The following MACROD2 variants were observed in gnomAD, a reference collection of about 807,000 sequenced individuals.
The protein encoded by MACROD2 is mono-ADP ribosylhydrolase 2, also known as ADP-ribose glycohydrolase MACROD2.
Under a neutral mutation model 70.4 loss-of-function variants are expected in MACROD2, and 36 were observed. That is an observed-to-expected ratio of 0.51 (90% confidence interval 0.39 to 0.68). The LOEUF (loss-of-function observed/expected upper bound fraction) is 0.68, where lower values mean the gene tolerates loss of function less well. MACROD2 is among the 30% of genes least tolerant of loss of function. The probability of loss-of-function intolerance (pLI) is 0.00; values close to 1 mark genes in which losing one functional copy is unlikely to be tolerated. For synonymous variants in MACROD2, 172 were observed against 178.8 expected (o/e 0.96, Z 0.30); for missense variants, 496 against 538.4 (o/e 0.92, Z 0.78).
chr20:15,005,815 T>C (rs2075031156), intron 5 of MACROD2, among the ~76,000 whole-genome samples: 1 of 152,172 alleles, frequency 6.6e-6, no homozygotes, highest in Admixed American at 6.5e-5. Context: ...GGTTGGCTGC[T>C]TGTGGAACCA....
At chr20:15,417,085 C>A (rs2046162451) in intron 6 of MACROD2, among the ~76,000 whole-genome samples, 1 of 152,148 alleles carries the variant, frequency 6.6e-6, no homozygotes, top group Non-Finnish European at 1.5e-5. Flanking sequence ...GTGAAATCTG[C>A]ATATGCGTTG....
chr20:14,251,419 T>G (rs2082011297), intron 3 of MACROD2, among the ~76,000 whole-genome samples: 1 of 152,128 alleles, frequency 6.6e-6, no homozygotes, highest in African/African-American at 2.4e-5. Context: ...TCTAAACTTG[T>G]GTTTCCAAGG....
chr20:14,202,637 T>A (rs1475204), intron 3 of MACROD2, among the ~76,000 whole-genome samples: 151,353 of 152,320 alleles, frequency 0.99, 75,204 homozygotes, highest in East Asian at 1. Flanking sequence ...AACAAGAATA[T>A]AAGAAGAAAA....
intron 3 of MACROD2, among the ~76,000 whole-genome samples, chr20:14,360,410 T>A (rs2083210522): frequency 6.6e-6 from 1 of 152,214 alleles, no homozygotes; most frequent in African/African-American, 2.4e-5. Flanking sequence ...CAAGTAATGT[T>A]TTTTTAAAGG....
At chr20:15,769,369 A>G (rs2051584553) in intron 8 of MACROD2, among the ~76,000 whole-genome samples, 1 of 152,100 alleles carries the variant, frequency 6.6e-6, no homozygotes, top group Non-Finnish European at 1.5e-5. Context: ...CTGGTCTCGA[A>G]CTCCGAACAT....
At chr20:14,740,352 G>A (rs533429038) in intron 5 of MACROD2, among the ~76,000 whole-genome samples, 1 of 152,160 alleles carries the variant, frequency 6.6e-6, no homozygotes, top group South Asian at 2.1e-4. Flanking sequence ...TGTCTCCAAT[G>A]CTATTTCTCT....
chr20:14,284,230 A>G (rs763524543), intron 3 of MACROD2, among the ~76,000 whole-genome samples: 3 of 152,246 alleles, frequency 2.0e-5, no homozygotes, highest in African/African-American at 7.2e-5. Flanking sequence ...GAGCAATATT[A>G]GAAAACTGCA....
Position 15,122,762 on chromosome 20 carries a change from T to C in MACROD2, c.419-107178T>C, listed in dbSNP as rs12479768. Among the ~76,000 whole-genome samples, 533 of 152,250 alleles carry C rather than the reference T, an allele frequency of 3.5e-3. 7 individuals are homozygous for C. The highest frequency in any genetic ancestry group is 0.031 in the Admixed American group (473 of 15,290). On this transcript the variant is annotated intron_variant, in intron 5 of 17. Coordinates refer to ENST00000684519, the MANE Select transcript of MACROD2 (RefSeq NM_001351661.2). The stretch of plus-strand genomic sequence containing the variant: ...CCCCAAACTAAACAGAATTTAATGA[T>C]GGGCACTCCTTGCCTCATGAGGGGG...
At chr20:15,269,288 C>T (rs1461586556) in intron 6 of MACROD2, among the ~76,000 whole-genome samples, 1 of 152,190 alleles carries the variant, frequency 6.6e-6, no homozygotes, top group Non-Finnish European at 1.5e-5. Flanking sequence ...CCCAACGTGG[C>T]TTGGATGAGG....
chr20:15,708,349 G>C (rs760215667), intron 8 of MACROD2, among the ~76,000 whole-genome samples: 2 of 152,142 alleles, frequency 1.3e-5, no homozygotes, highest in Non-Finnish European at 2.9e-5. Flanking sequence ...AGGACCAGGA[G>C]CCTGGGGATA....
intron 5 of MACROD2, among the ~76,000 whole-genome samples, chr20:14,943,963 T>C (rs2074410196): frequency 6.6e-6 from 1 of 152,200 alleles, no homozygotes; most frequent in South Asian, 2.1e-4. Context: ...CACCATTCAG[T>C]AATTTTACTA....
intron 5 of MACROD2, among the ~76,000 whole-genome samples, chr20:15,131,733 A>G (rs144188571): frequency 1.1e-3 from 162 of 152,210 alleles, no homozygotes; most frequent in African/African-American, 3.4e-3. Context: ...AGACTTTAAA[A>G]CTTACAAATC....
At chr20:14,072,049 TAGA>T (rs2053851506) in intron 2 of MACROD2, among the ~76,000 whole-genome samples, 2 of 152,208 alleles carry the variant, frequency 1.3e-5, no homozygotes, top group Admixed American at 1.3e-4. Flanking sequence ...AAAACATAAA[TAGA>T]AGATACATGA....
In MACROD2 at chr20:15,258,094, G is replaced by T. The variant is rs1410983388; in HGVS notation, c.540+28033G>T. 4.1e-5 allele frequency among the ~76,000 whole-genome samples: 6 copies of T among 148,088 alleles called. No homozygotes were observed. The East Asian group carries it at 5.8e-4, about 14-fold the overall frequency. ...AAAGTTTATAGAACACATATATATA[G>T]AAAAAGTATTTTTTGTACAACATAC... is the stretch of plus-strand genomic sequence containing the variant. On this transcript the variant is annotated intron_variant, in intron 6 of 17. Transcript: ENST00000684519.
intron 6 of MACROD2, among the ~76,000 whole-genome samples, chr20:15,346,391 G>T (rs1046135393): frequency 4.9e-4 from 75 of 152,180 alleles, no homozygotes; most frequent in African/African-American, 1.7e-3. Context: ...CAACTTCCCA[G>T]AGACTAGAAC....
intron 5 of MACROD2, among the ~76,000 whole-genome samples, chr20:15,075,075 A>C (rs576158062): frequency 6.6e-6 from 1 of 152,180 alleles, no homozygotes; most frequent in African/African-American, 2.4e-5. Flanking sequence ...ACAAAAATCA[A>C]ATCAACTTAT....
intron 10 of MACROD2, among the ~76,000 whole-genome samples, chr20:15,889,048 C>T (rs1213271950): frequency 6.6e-6 from 1 of 152,166 alleles, no homozygotes; most frequent in African/African-American, 2.4e-5. Context: ...CTGGCCAAGA[C>T]ATGCTAGTGA....
At chr20:14,981,069 T>C (rs973849802) in intron 5 of MACROD2, among the ~76,000 whole-genome samples, 2 of 151,492 alleles carry the variant, frequency 1.3e-5, no homozygotes, top group Non-Finnish European at 2.9e-5. Context: ...TGTATGTGTG[T>C]GTGTGTGTCC....
chr20:15,059,337 A>C (rs1002612507), intron 5 of MACROD2, among the ~76,000 whole-genome samples: 6 of 151,808 alleles, frequency 4.0e-5, no homozygotes, highest in African/African-American at 1.5e-4. Context: ...GTGAACCGAG[A>C]TCACACCACT....
Sources: allele counts gnomAD v4.1 joint callset (sites outside exome capture counted in the v4.1 genomes callset), GRCh38; gene constraint gnomAD v4.1.1; transcripts MANE v1.5; gene names NCBI Gene and HGNC (gene_info 2026-07-23, HGNC 2026-07-21).